RTN4IP1: variants seen among roughly 807,000 people sequenced by gnomAD.
The protein encoded by RTN4IP1 is reticulon 4 interacting protein 1.
Under a neutral mutation model 46.6 loss-of-function variants are expected in RTN4IP1, and 32 were observed. The observed-to-expected ratio is 0.69, with a 90% CI of 0.52 to 0.92. The LOEUF (loss-of-function observed/expected upper bound fraction) is 0.92. RTN4IP1 is among the 40% of genes least tolerant of loss of function. RTN4IP1 has a pLI of 0.00. For missense variants in RTN4IP1, 424 were observed against 485.8 expected, an observed-to-expected ratio of 0.87 and a Z score of 1.20; for synonymous variants, 167 against 161.8, an observed-to-expected ratio of 1.03 and a Z score of -0.24.
rs1180927898 is a variant in RTN4IP1, at chr6:106,612,384, C to CAA, written c.620+6816_620+6817dup. Among the ~76,000 whole-genome samples, 56 of 18,906 alleles carry CAA rather than the reference C, an allele frequency of 3.0e-3. 6 individuals carry two copies. Among genetic ancestry groups the CAA allele is most frequent in the Non-Finnish European group, 3.4e-3 (35 of 10,430 alleles). The allele number at this position is 18,906 out of a possible 152,430, so 12.4% of individuals were successfully genotyped here. A position where few individuals can be genotyped will look rare whatever the true frequency, so the allele number is the denominator to read the frequency against. ...CCTGGGCGACAGAGCAAGACTCCGT[C>CAA]AAAAAAAAAAAAAAAAAAAAAAAAA... is the stretch of plus-strand genomic sequence containing the variant. On this transcript the variant is annotated intron_variant, in intron 4 of 8. Transcript: ENST00000369063.
intron 5 of RTN4IP1, among the ~76,000 whole-genome samples, chr6:106,600,480 A>T (rs1775915885): frequency 6.6e-6 from 1 of 152,122 alleles, no homozygotes; most frequent in Non-Finnish European, 1.5e-5. Flanking sequence ...TCTCTAGTAC[A>T]CTCACAATGT....
At chr6:106,597,430 G>A (rs766312161) in intron 5 of RTN4IP1, among the ~76,000 whole-genome samples, 48 of 151,926 alleles carry the variant, frequency 3.2e-4, no homozygotes, top group Admixed American at 5.2e-4. Flanking sequence ...CTGCAGCCTC[G>A]ACCTCCTGGG....
intron 7 of RTN4IP1, among the ~76,000 whole-genome samples, chr6:106,586,604 C>T (rs758872811): frequency 1.3e-5 from 2 of 152,156 alleles, no homozygotes; most frequent in South Asian, 2.1e-4. Context: ...ACTTCTCAGA[C>T]TTAAGCAATC....
At chr6:106,620,413 T>C (rs961070113) in intron 3 of RTN4IP1, among the ~76,000 whole-genome samples, 2 of 152,122 alleles carry the variant, frequency 1.3e-5, no homozygotes, top group Non-Finnish European at 2.9e-5. Flanking sequence ...TTAGTTGGCT[T>C]TTTATGTTAT....
intron 7 of RTN4IP1, 114 bp from the exon 8 acceptor site, chr6:106,583,534 A>T (rs1218393010): frequency 6.3e-6 from 5 of 787,768 alleles, no homozygotes; most frequent in Non-Finnish European, 1.1e-5. Flanking sequence ...TTCTCATTTC[A>T]TGCTGACAAA....
In RTN4IP1 at chr6:106,570,797, C is replaced by A. The variant is rs1352920764; in HGVS notation, c.*1199G>T. On this transcript the variant is annotated 3_prime_UTR_variant, in exon 9 of 9. Transcript: ENST00000369063. ...CAATAACTCGGTAGTAAGACCAGAC[C>A]AACAATTTTAGAGAAAAGCCTACAT... is the stretch of plus-strand genomic sequence containing the variant. 6.6e-6 allele frequency: 1 copy of A among 151,972 alleles called. No individual in the cohort carries two copies. Among genetic ancestry groups the A allele is most frequent in the Non-Finnish European group, 1.5e-5 (1 of 67,990 alleles). 9.4% of individuals were successfully genotyped at this position (151,972 alleles called of 1,614,324 possible). A position where few individuals can be genotyped will look rare whatever the true frequency, so the allele number is the denominator to read the frequency against.
rs374027442 is a variant in RTN4IP1 at position 106,584,958 on chromosome 6, T to C, written c.991-1538A>G. ...GATATAAAGAGAGTCAAGCTTACTC[T>C]AGAATTGGTGTGATGAGATATTGAC... is the stretch of plus-strand genomic sequence containing the variant. On this transcript the variant is annotated intron_variant, in intron 7 of 8. Coordinates refer to ENST00000369063, the MANE Select transcript of RTN4IP1 (RefSeq NM_032730.5). Among the ~76,000 whole-genome samples, 10 of 152,304 alleles carry C rather than the reference T, an allele frequency of 6.6e-5. 1 individual carries two copies. The highest frequency in any genetic ancestry group is 5.2e-4 in the Admixed American group (8 of 15,294).
chr6:106,592,801 C>T (rs1176652794), intron 5 of RTN4IP1, among the ~76,000 whole-genome samples: 1 of 152,142 alleles, frequency 6.6e-6, no homozygotes, highest in African/African-American at 2.4e-5. Flanking sequence ...AGCGGGCGGG[C>T]ACCTGTAATC....
rs766649336 is a variant in RTN4IP1, at chr6:106,628,966, A to T, written c.56T>A (p.Phe19Tyr). ...LRRNACTAVC[F>Y]WRSKVVQKPS... is the part of the protein sequence containing the mutation. The stretch of plus-strand genomic sequence containing the variant: ...CTTTTGGACAACTTTGCTTCTCCAG[A>T]AGCAAACCGCAGTGCATGCATTTCT... Residue 19 changes from phenylalanine to tyrosine, a missense_variant, in exon 1 of 9, where the codon TTC becomes TAC. Transcript: ENST00000369063. 6.2e-7 allele frequency: 1 copy of T among 1,614,142 alleles called. No homozygotes were observed. The highest frequency in any genetic ancestry group is 1.7e-5 in the Admixed American group (1 of 60,030).
At chr6:106,594,762 G>A (rs1412520298) in intron 5 of RTN4IP1, among the ~76,000 whole-genome samples, 1 of 151,902 alleles carries the variant, frequency 6.6e-6, no homozygotes, top group Non-Finnish European at 1.5e-5. Flanking sequence ...CTTAAAACGT[G>A]GTATCTTTTA....
At chr6:106,625,671 T>C (rs1776618809) in intron 1 of RTN4IP1, among the ~76,000 whole-genome samples, 2 of 146,056 alleles carry the variant, frequency 1.4e-5, no homozygotes, top group African/African-American at 5.0e-5. Context: ...CTTTTTTTTT[T>C]TTTTTTTTTT....
chr6:106,571,485 G>A lies in RTN4IP1; in HGVS notation c.*511C>T, dbSNP rs1775057262. On this transcript the variant is annotated 3_prime_UTR_variant, in exon 9 of 9. Coordinates refer to ENST00000369063, the MANE Select transcript of RTN4IP1 (RefSeq NM_032730.5). ...GAGACTGACATGGTGGATCACTTAA[G>A]CCCAGGAGTTTGAGACCAGCCTGGG... The A allele has an allele frequency of 1.3e-5, 2 of 155,040 alleles. No individual in the cohort carries two copies. The highest frequency in any genetic ancestry group is 4.0e-4 in the South Asian group (2 of 5,006). 9.6% of individuals were successfully genotyped at this position (155,040 alleles called of 1,614,324 possible).
intron 4 of RTN4IP1, among the ~76,000 whole-genome samples, chr6:106,609,215 C>CA (rs1776162325): frequency 2.0e-5 from 3 of 152,336 alleles, no homozygotes; most frequent in African/African-American, 7.2e-5. Flanking sequence ...GCATTGGCCA[C>CA]AGTGCCCTGG....
At chr6:106,579,710 A>G (rs1775312399) in intron 8 of RTN4IP1, among the ~76,000 whole-genome samples, 1 of 151,904 alleles carries the variant, frequency 6.6e-6, no homozygotes, top group East Asian at 2.0e-4. Context: ...TGGCTTCTCC[A>G]TTTTTACTGG....
At chr6:106,583,550 T>G (rs1277692222) in intron 7 of RTN4IP1, 130 bp from the exon 8 acceptor site, 8 of 677,298 alleles carry the variant, frequency 1.2e-5, no homozygotes, top group Non-Finnish European at 2.1e-5. Flanking sequence ...ACAAAATGTG[T>G]GCACAGCACC....
chr6:106,624,911 A>T (rs1776595894), intron 1 of RTN4IP1, among the ~76,000 whole-genome samples: 1 of 147,644 alleles, frequency 6.8e-6, no homozygotes, highest in Admixed American at 6.7e-5. Context: ...ACTCCAGCCC[A>T]GGTGACAAAG....
intron 8 of RTN4IP1, among the ~76,000 whole-genome samples, chr6:106,577,754 G>A (rs57110857): frequency 0.14 from 21,492 of 151,944 alleles, 1,741 homozygotes; most frequent in African/African-American, 0.21. Flanking sequence ...TCCTTATAAG[G>A]GGAAGGCAGG....
At chr6:106,599,451 C>CTTT (rs11392355) in intron 5 of RTN4IP1, among the ~76,000 whole-genome samples, 2 of 143,210 alleles carry the variant, frequency 1.4e-5, no homozygotes, top group African/African-American at 2.6e-5. Flanking sequence ...ACCCTTTTTG[C>CTTT]TTTTTTTTTT....
rs2114611751 is a variant in RTN4IP1, at chr6:106,571,619, A to AG, written c.*376dup. The AG allele has an allele frequency of 5.5e-6, 1 of 180,690 alleles. No individual in the cohort carries two copies. The highest frequency in any genetic ancestry group is 1.1e-4 in the South Asian group (1 of 9,506). The allele number at this position is 180,690 out of a possible 1,614,324, so 11.2% of individuals were successfully genotyped here. A position where few individuals can be genotyped will look rare whatever the true frequency, so the allele number is the denominator to read the frequency against. ...GAGGCTGAAGCAGGAGAATCGCTTAAGGTCAAGGCTGCAGTGAGCTGTGAT... is the reference window on the plus strand; with the variant it reads ...GAGGCTGAAGCAGGAGAATCGCTTAAGGGTCAAGGCTGCAGTGAGCTGTGAT... On this transcript the variant is annotated 3_prime_UTR_variant, in exon 9 of 9. Transcript: ENST00000369063.
Sources: allele counts gnomAD v4.1 joint callset (sites outside exome capture counted in the v4.1 genomes callset), GRCh38; gene constraint gnomAD v4.1.1; transcripts MANE v1.5; gene names NCBI Gene and HGNC (gene_info 2026-07-23, HGNC 2026-07-21).